The following BST1 variants were observed in gnomAD, a reference collection of about 807,000 sequenced individuals.
The protein encoded by BST1 is bone marrow stromal cell antigen 1.
A neutral mutation model predicts 40.6 loss-of-function variants in BST1; 49 were observed. The observed-to-expected ratio is 1.21, with a 90% confidence interval of 0.96 to 1.53. The LOEUF (loss-of-function observed/expected upper bound fraction) is 1.53. Ranked by LOEUF, BST1 falls within the 40% of genes most tolerant of loss-of-function variation. BST1 has a pLI of 0.00. For missense variants in BST1, 423 were observed against 395.9 expected (o/e 1.07, Z -0.58); for synonymous variants, 157 against 159.3 (o/e 0.99, Z 0.11).
the BST1 span, among the ~76,000 whole-genome samples, chr4:15,751,947 C>T: frequency 0.33 from 49,920 of 151,958 alleles, 10,390 homozygotes; most frequent in East Asian, 0.6. Context: ...GAACGTGGCT[C>T]GTATAAGACT....
At chr4:15,760,129 C>T in the BST1 span, among the ~76,000 whole-genome samples, 9 of 151,898 alleles carry the variant, frequency 5.9e-5, no homozygotes, top group African/African-American at 1.2e-4. Flanking sequence ...ATCTACTTTC[C>T]GTCTCTATGG....
At chr4:15,748,653 GC>G in the BST1 span, among the ~76,000 whole-genome samples, 6 of 152,320 alleles carry the variant, frequency 3.9e-5, no homozygotes, top group African/African-American at 1.2e-4. Context: ...CGCACAGTCT[GC>G]CCTCTGGCTG....
the BST1 span, among the ~76,000 whole-genome samples, chr4:15,747,940 G>A: frequency 1.3e-5 from 2 of 152,182 alleles, no homozygotes; most frequent in African/African-American, 2.4e-5. Flanking sequence ...GCCTCCTAAA[G>A]TGTTGGGATT....
At chr4:15,770,315 C>T in the BST1 span, among the ~76,000 whole-genome samples, 256 of 152,276 alleles carry the variant, frequency 1.7e-3, 3 homozygotes, top group Non-Finnish European at 2.5e-3. Context: ...TTGTTCTCCC[C>T]GCCGTTCTGT....
intron 6 of BST1, among the ~76,000 whole-genome samples, chr4:15,717,859 T>C (rs1453948211): frequency 6.6e-6 from 1 of 152,206 alleles, no homozygotes; most frequent in Non-Finnish European, 1.5e-5. Context: ...GAATGGTGCT[T>C]GTGCTGTGTA....
At chr4:15,712,565 C>T (rs929924886) in intron 4 of BST1, among the ~76,000 whole-genome samples, 1 of 152,082 alleles carries the variant, frequency 6.6e-6, no homozygotes. Flanking sequence ...GATGTCAGGC[C>T]CCTTCCACCC....
chr4:15,709,378 A>G (rs1720060696), intron 3 of BST1, among the ~76,000 whole-genome samples: 1 of 152,222 alleles, frequency 6.6e-6, no homozygotes, highest in African/African-American at 2.4e-5. Flanking sequence ...CTATGAGGCT[A>G]GAGGAATAAA....
At chr4:15,733,708 A>G, downstream of BST1, among the ~76,000 whole-genome samples, 1 of 152,176 alleles carries the variant, frequency 6.6e-6, no homozygotes, top group East Asian at 1.9e-4. Context: ...ACATGCTTTC[A>G]AACCACCAGA....
chr4:15,721,209 A>G (rs562358788), intron 7 of BST1, among the ~76,000 whole-genome samples: 1 of 152,212 alleles, frequency 6.6e-6, no homozygotes, highest in Non-Finnish European at 1.5e-5. Context: ...ACTCCAACCC[A>G]GATGTGAGAA....
chr4:15,704,809 T>C (rs1169821036), intron 1 of BST1: 3 of 695,128 alleles, frequency 4.3e-6, no homozygotes, highest in Non-Finnish European at 7.9e-6. Context: ...GTTTGGGTCT[T>C]TCTTGCCAGT....
At chr4:15,733,634 A>C (rs554596700), downstream of BST1, among the ~76,000 whole-genome samples, 3 of 152,342 alleles carry the variant, frequency 2.0e-5, no homozygotes, top group Admixed American at 6.5e-5. Context: ...CATGGAAGGC[A>C]AAAGGGAAGC....
At chr4:15,770,990 A>G in the BST1 span, among the ~76,000 whole-genome samples, 1 of 152,206 alleles carries the variant, frequency 6.6e-6, no homozygotes, top group Non-Finnish European at 1.5e-5. Flanking sequence ...AGTGCTCTTA[A>G]GTGCTGGGCT....
chr4:15,771,955 C>CATT, the BST1 span, among the ~76,000 whole-genome samples: 1 of 151,958 alleles, frequency 6.6e-6, no homozygotes, highest in Non-Finnish European at 1.5e-5. Flanking sequence ...TGAGGAAAGC[C>CATT]AGGTACACAA....
intron 7 of BST1, among the ~76,000 whole-genome samples, chr4:15,720,498 T>A (rs1720749422): frequency 6.6e-6 from 1 of 150,768 alleles, no homozygotes; most frequent in South Asian, 2.1e-4. Flanking sequence ...GTGCCTGTAA[T>A]CCCAGCTACT....
At chr4:15,760,251 G>A in the BST1 span, among the ~76,000 whole-genome samples, 2 of 139,664 alleles carry the variant, frequency 1.4e-5, no homozygotes, top group African/African-American at 5.6e-5. Context: ...TGTGGTATGC[G>A]TTAGCATTTC....
chr4:15,763,888 A>T, the BST1 span, among the ~76,000 whole-genome samples: 1 of 152,092 alleles, frequency 6.6e-6, no homozygotes, highest in Non-Finnish European at 1.5e-5. Flanking sequence ...GTGATAATAA[A>T]CAAACAAACA....
intron 4 of BST1, among the ~76,000 whole-genome samples, chr4:15,714,042 C>A (rs1720373711): frequency 6.6e-6 from 1 of 151,616 alleles, no homozygotes; most frequent in African/African-American, 2.4e-5. Context: ...TTCTTTTTGT[C>A]AGTGTAATAG....
intron 8 of BST1, 133 bp from the exon 9 acceptor site, chr4:15,731,607 A>T: frequency 7.9e-7 from 1 of 1,258,868 alleles, no homozygotes; most frequent in Non-Finnish European, 1.1e-6. Flanking sequence ...ACGGGGTGTC[A>T]CGGGAGACTT....
At chr4:15,772,575 T>C in the BST1 span, among the ~76,000 whole-genome samples, 1 of 152,134 alleles carries the variant, frequency 6.6e-6, no homozygotes, top group East Asian at 1.9e-4. Context: ...ATTCTCAGAG[T>C]GTGCATTCCT....
Sources: allele counts gnomAD v4.1 joint callset (sites outside exome capture counted in the v4.1 genomes callset), GRCh38; gene constraint gnomAD v4.1.1; transcripts MANE v1.5; gene names NCBI Gene and HGNC (gene_info 2026-07-23, HGNC 2026-07-21).